The following EIF2AK4 variants were observed in gnomAD, a reference collection of about 807,000 sequenced individuals.
EIF2AK4 encodes eukaryotic translation initiation factor 2 alpha kinase 4.
EIF2AK4 carries 139 observed loss-of-function variants against 211.1 expected under a neutral mutation model. The observed-to-expected ratio is 0.66, with a 90% CI of 0.57 to 0.76. The LOEUF (loss-of-function observed/expected upper bound fraction) is 0.76. EIF2AK4 is among the 30% of genes least tolerant of loss of function. The pLI is 0.00. For missense variants in EIF2AK4, 1,664 were observed against 2,043.8 expected (o/e 0.81, Z 3.58); for synonymous variants, 710 against 751.3 (o/e 0.94, Z 0.90).
At chr15:39,946,960 A>G in intron 3 of EIF2AK4, 1 of 252,832 alleles carries the variant, frequency 4.0e-6, no homozygotes, top group South Asian at 1.0e-4. Context: ...TAGTGTAAAC[A>G]TAACTTTTAT....
chr15:39,970,643 AC>A (rs1187755568), intron 9 of EIF2AK4, among the ~76,000 whole-genome samples: 4 of 152,170 alleles, frequency 2.6e-5, no homozygotes, highest in African/African-American at 7.2e-5. Context: ...AAATCAAAAA[AC>A]AATACTATTT....
chr15:40,034,380 C>T lies in EIF2AK4; in HGVS notation c.4828C>T (p.Leu1610=). ...AACTGTGAAGCAGCTGCTGTCACGC[C>T]TGCCAAAGCAAAGATACCTCAAATT... The part of the protein sequence containing the change: ...NTTVKQLLSR[L]PKQRYLKLVC... The change falls in exon 38 of 39, where the codon CTG becomes TTG. Residue 1610 remains leucine, a synonymous_variant. Coordinates refer to ENST00000263791, the MANE Select transcript of EIF2AK4 (RefSeq NM_001013703.4). 1 of 1,614,064 alleles carries T rather than the reference C, an allele frequency of 6.2e-7. No individual in the cohort carries two copies. Among genetic ancestry groups the T allele is most frequent in the Non-Finnish European group, 8.5e-7 (1 of 1,179,996 alleles).
chr15:40,034,940 C>A, intron 38 of EIF2AK4, 87 bp from the exon 39 acceptor site: 2 of 1,029,290 alleles, frequency 1.9e-6, no homozygotes, highest in Non-Finnish European at 1.4e-6. Flanking sequence ...TTAAATAAAG[C>A]TCCTACAGGT....
chr15:39,999,905 C>T (rs1671742592), intron 20 of EIF2AK4, among the ~76,000 whole-genome samples: 1 of 152,086 alleles, frequency 6.6e-6, no homozygotes, highest in African/African-American at 2.4e-5. Context: ...CATTTTTCAC[C>T]ATGAGGACTG....
chr15:39,983,030 G>A (rs1166523695), intron 13 of EIF2AK4, among the ~76,000 whole-genome samples: 1 of 152,200 alleles, frequency 6.6e-6, no homozygotes. Context: ...CTTTATAGCA[G>A]AATGATTTAT....
chr15:40,002,551 G>A, intron 21 of EIF2AK4, 162 bp from the exon 22 acceptor site: 1 of 645,154 alleles, frequency 1.6e-6, no homozygotes, highest in South Asian at 2.1e-5. Context: ...AAAGATATGT[G>A]TCCTCTTCCC....
rs200484118 is a variant in EIF2AK4, at chr15:40,030,413, C to T, written c.4616C>T (p.Pro1539Leu). ...TVVPIVSVLA[P>L]EKLSASTRRR... The stretch of plus-strand genomic sequence containing the variant: ...GTTCCCATTGTGAGTGTGCTAGCCC[C>T]GGAGAAGCTGTCAGCCAGCACTAGG... Residue 1539 changes from proline to leucine, a missense_variant, in exon 35 of 39, where the codon CCG (proline) becomes CTG (leucine). Transcript: ENST00000263791. 1.5e-4 allele frequency: 240 copies of T among 1,614,004 alleles called. No homozygotes were observed. The highest frequency in any genetic ancestry group is 5.9e-4 in the African/African-American group (44 of 74,988).
At chr15:40,000,308 A>G (rs2035073480) in intron 20 of EIF2AK4, among the ~76,000 whole-genome samples, 1 of 152,232 alleles carries the variant, frequency 6.6e-6, no homozygotes, top group Non-Finnish European at 1.5e-5. Flanking sequence ...ATTTATAACT[A>G]GAAAATGCTT....
intron 1 of EIF2AK4, among the ~76,000 whole-genome samples, chr15:39,938,962 T>C (rs556506944): frequency 6.6e-6 from 1 of 152,348 alleles, no homozygotes; most frequent in East Asian, 1.9e-4. Context: ...ATTGAAAACA[T>C]ATGCAATTCT....
intron 6 of EIF2AK4, among the ~76,000 whole-genome samples, chr15:39,958,976 A>G (rs1233650464): frequency 6.6e-6 from 1 of 152,154 alleles, no homozygotes; most frequent in Non-Finnish European, 1.5e-5. Flanking sequence ...TTAGTCATCT[A>G]AAATTGTATT....
chr15:39,994,244 C>G (rs2034989589), intron 18 of EIF2AK4, among the ~76,000 whole-genome samples: 1 of 152,160 alleles, frequency 6.6e-6, no homozygotes, highest in Non-Finnish European at 1.5e-5. Context: ...GAAATCAGCA[C>G]ACAGATAGGA....
chr15:40,020,337 A>G (rs945223164), intron 30 of EIF2AK4, among the ~76,000 whole-genome samples: 3 of 148,898 alleles, frequency 2.0e-5, no homozygotes, highest in African/African-American at 4.9e-5. Context: ...AAAGACTAAC[A>G]TAACATTTTT....
intron 23 of EIF2AK4, among the ~76,000 whole-genome samples, chr15:40,004,245 C>T (rs1429157937): frequency 6.6e-6 from 1 of 152,068 alleles, no homozygotes; most frequent in African/African-American, 2.4e-5. Flanking sequence ...TCCTTAGAAC[C>T]AGCAATCCCA....
chr15:39,944,556 C>G (rs920914886), intron 3 of EIF2AK4, among the ~76,000 whole-genome samples: 2 of 151,750 alleles, frequency 1.3e-5, no homozygotes, highest in Non-Finnish European at 1.5e-5. Context: ...CTCAGCCTCC[C>G]GAGTAGCTGG....
intron 13 of EIF2AK4, among the ~76,000 whole-genome samples, chr15:39,982,775 C>T (rs1210799072): frequency 2.0e-5 from 3 of 152,154 alleles, no homozygotes; most frequent in Non-Finnish European, 4.4e-5. Flanking sequence ...GTTCAACTCC[C>T]ACTTACAAGT....
intron 6 of EIF2AK4, among the ~76,000 whole-genome samples, chr15:39,961,577 G>A (rs1453643987): frequency 3.9e-5 from 6 of 152,154 alleles, no homozygotes; most frequent in Admixed American, 3.9e-4. Context: ...GGGAAGTGGG[G>A]GAAGTGAATG....
rs1319400431 is a variant in EIF2AK4 at position 39,954,002 on chromosome 15, C to T, written c.594+18C>T. On this transcript the variant is annotated intron_variant, in intron 5 of 38. Transcript: ENST00000263791. Reference sequence around the variant, plus strand: ...CTAAGCAGGTACCCTATCAACTCCACCATAATAATTTACATTTTGCAAAAC... The same window carrying T: ...CTAAGCAGGTACCCTATCAACTCCATCATAATAATTTACATTTTGCAAAAC... The T allele has an allele frequency of 6.5e-7, 1 of 1,546,158 alleles. No individual in the cohort carries two copies. Among genetic ancestry groups the T allele is most frequent in the Non-Finnish European group, 8.7e-7 (1 of 1,152,026 alleles).
intron 13 of EIF2AK4, among the ~76,000 whole-genome samples, chr15:39,983,754 C>T (rs1012509908): frequency 6.6e-6 from 1 of 152,178 alleles, no homozygotes; most frequent in African/African-American, 2.4e-5. Context: ...GATATTAGCC[C>T]TTTGTCAGAT....
intron 23 of EIF2AK4, among the ~76,000 whole-genome samples, chr15:40,005,710 T>C (rs943062178): frequency 5.3e-5 from 8 of 151,644 alleles, no homozygotes; most frequent in Middle Eastern, 3.2e-3. Flanking sequence ...TAGCTGGGAC[T>C]GTAGGTGCCC....
Sources: gnomAD v4.1 joint callset for allele counts (sites outside exome capture counted in the v4.1 genomes callset) on GRCh38, gnomAD v4.1.1 for gene constraint, MANE v1.5 for transcripts, NCBI Gene and HGNC (gene_info 2026-07-23, HGNC 2026-07-21) for gene names.